The following CSE1L variants were observed in gnomAD, a reference collection of about 807,000 sequenced individuals.
CSE1L encodes the protein exportin-2.
In CSE1L, 24 loss-of-function variants were observed where a neutral mutation model predicts 120.4. That is an observed-to-expected ratio of 0.20 (90% CI 0.14 to 0.28). The LOEUF (loss-of-function observed/expected upper bound fraction) is 0.28, where lower values mean the gene tolerates loss of function less well. Ranked by LOEUF, CSE1L falls within the 10% of genes least tolerant of loss-of-function variation. CSE1L has a pLI of 1.00. For synonymous variants in CSE1L, 402 were observed against 398.3 expected (o/e 1.01, Z -0.11); for missense variants, 830 against 1,145.2 (o/e 0.72, Z 3.97).
intron 10 of CSE1L, among the ~76,000 whole-genome samples, chr20:49,074,176 AGTGTGTGTGTGTGTGTGTGTGTGTGTGT>A (rs71184254): frequency 8.7e-6 from 1 of 115,424 alleles, no homozygotes; most frequent in African/African-American, 3.2e-5. Flanking sequence ...ATACAACTGC[AGTGTGTGTGTGTGTGTGTGTGTGTGTGT>A]GTGTGTGTGT....
In CSE1L at chr20:49,063,308, A is replaced by G. The variant is rs762345348; in HGVS notation, c.192A>G (p.Val64=). The change falls in exon 3 of 25, where the codon GTA becomes GTG. Residue 64 remains valine (V), a synonymous_variant. Coordinates refer to ENST00000262982, the MANE Select transcript of CSE1L (RefSeq NM_001316.4). ...ATGTTATCAAAGTATGTGCTTCAGT[A>G]ACATTCAAAAACTATATTAAAAGGA... ...QDNVIKVCAS[V]TFKNYIKRNW... 1 of 1,530,044 alleles carries G rather than the reference A, an allele frequency of 6.5e-7. No individual in the cohort carries two copies. The highest frequency in any genetic ancestry group is 2.4e-5 in the East Asian group (1 of 42,018). 94.8% of individuals were successfully genotyped at this position (1,530,044 alleles called of 1,614,324 possible).
intron 2 of CSE1L, among the ~76,000 whole-genome samples, chr20:49,060,233 C>T (rs1308230979): frequency 6.6e-6 from 1 of 151,524 alleles, no homozygotes; most frequent in Non-Finnish European, 1.5e-5. Flanking sequence ...CCTGTAATCC[C>T]AGCATTTTGG....
intron 2 of CSE1L, 31 bp from the exon 3 acceptor site, chr20:49,063,171 T>A (rs370198144): frequency 1.4e-6 from 2 of 1,452,860 alleles, no homozygotes; most frequent in East Asian, 2.4e-5. Context: ...GATTTTTATC[T>A]TAGTCTTTTA....
chr20:49,094,721 T>C lies in CSE1L; in HGVS notation c.2595-11T>C. 6.3e-7 allele frequency: 1 copy of C among 1,585,430 alleles called. No homozygotes were observed. Among genetic ancestry groups the C allele is most frequent in the Non-Finnish European group, 8.7e-7 (1 of 1,154,426 alleles). On this transcript the variant is annotated splice_polypyrimidine_tract_variant and intron_variant, in intron 23 of 24. Coordinates refer to ENST00000262982, the MANE Select transcript of CSE1L (RefSeq NM_001316.4). ...CTTGACCTTTTTATCTCTTGCTTTC[T>C]TCCAATCCAGGACTCCATTATTACA...
At chr20:49,050,800 G>T (rs1741929790) in intron 1 of CSE1L, among the ~76,000 whole-genome samples, 1 of 152,016 alleles carries the variant, frequency 6.6e-6, no homozygotes, top group African/African-American at 2.4e-5. Context: ...GGGGTCAAGT[G>T]ATCGTCCCAT....
At chr20:49,052,750 G>A (rs2091777266) in intron 1 of CSE1L, among the ~76,000 whole-genome samples, 1 of 152,140 alleles carries the variant, frequency 6.6e-6, no homozygotes, top group Non-Finnish European at 1.5e-5. Context: ...CACCACACCT[G>A]GCTAATTTTT....
intron 3 of CSE1L, among the ~76,000 whole-genome samples, chr20:49,065,619 G>C (rs1317630976): frequency 1.3e-5 from 1 of 76,858 alleles, no homozygotes; most frequent in Non-Finnish European, 2.4e-5. Flanking sequence ...TTTTGAGACA[G>C]AGTCACTCTT....
chr20:49,047,372 G>C (rs1194634327), intron 1 of CSE1L, among the ~76,000 whole-genome samples: 2 of 151,922 alleles, frequency 1.3e-5, no homozygotes, highest in Non-Finnish European at 2.9e-5. Context: ...TTTCTCCTTA[G>C]CCAGTGTGGC....
At chr20:49,089,128 T>G in intron 17 of CSE1L, 119 bp from the exon 18 acceptor site, 1 of 842,788 alleles carries the variant, frequency 1.2e-6, no homozygotes. Flanking sequence ...TAGGGTATAA[T>G]TGGTGTTTTT....
rs778958993 is a variant in CSE1L at position 49,074,829 on chromosome 20, A to C, written c.1111A>C (p.Arg371=). ...AFEDNSEEYI[R]RDLEGSDIDT... The stretch of plus-strand genomic sequence containing the variant: ...TGAAGATAATTCTGAGGAGTACATA[A>C]GGAGAGATTTGGAAGGATCTGGTGT... Residue 371 remains arginine (R), a synonymous_variant, in exon 11 of 25, where the codon AGG becomes CGG. Transcript: ENST00000262982. The C allele has an allele frequency of 6.2e-7, 1 of 1,612,996 alleles. No homozygotes were observed. Among genetic ancestry groups the C allele is most frequent in the South Asian group, 1.1e-5 (1 of 90,878 alleles).
chr20:49,079,588 C>A (rs765303006), intron 14 of CSE1L, among the ~76,000 whole-genome samples: 1 of 151,946 alleles, frequency 6.6e-6, no homozygotes, highest in Non-Finnish European at 1.5e-5. Context: ...GACTTTCTCA[C>A]ATTTTACTTT....
intron 19 of CSE1L, among the ~76,000 whole-genome samples, chr20:49,090,384 C>G (rs1166298600): frequency 6.6e-6 from 1 of 152,042 alleles, no homozygotes; most frequent in Non-Finnish European, 1.5e-5. Context: ...ATGGCGAAAC[C>G]CCGTCTCTAC....
chr20:49,054,965 T>A (rs1040510815), intron 1 of CSE1L, among the ~76,000 whole-genome samples: 1 of 152,238 alleles, frequency 6.6e-6, no homozygotes, highest in Admixed American at 6.5e-5. Context: ...TGGGAAACTC[T>A]TGGATGGCCA....
Position 49,078,524 on chromosome 20 carries a change from C to T in CSE1L, c.1421-37C>T. The T allele has an allele frequency of 1.4e-6, 2 of 1,418,298 alleles. 1 individual carries two copies. Among genetic ancestry groups the T allele is most frequent in the South Asian group, 2.6e-5 (2 of 78,092 alleles). 87.9% of individuals were successfully genotyped at this position (1,418,298 alleles called of 1,614,324 possible). ...CTAATTTGGAAGTAATGATCCTTACCACTTAAGTAACTGTGGCTTTCTGTT... is the reference window on the plus strand; with the variant it reads ...CTAATTTGGAAGTAATGATCCTTACTACTTAAGTAACTGTGGCTTTCTGTT... On this transcript the variant is annotated intron_variant, in intron 13 of 24. Transcript: ENST00000262982.
rs766788389 is a variant in CSE1L, at chr20:49,072,342, C to T, written c.825C>T (p.Ala275=). The T allele has an allele frequency of 4.3e-6, 7 of 1,614,102 alleles. No homozygotes were observed. Among genetic ancestry groups the T allele is most frequent in the Admixed American group, 3.3e-5 (2 of 60,008 alleles). The change falls in exon 9 of 25, where the codon GCC becomes GCT. Residue 275 remains alanine, a synonymous_variant. Transcript: ENST00000262982. ...ELLKSQICDN[A]ALYAQKYDEE... ...TAAAATCCCAGATTTGTGATAATGC[C>T]GCACTCTATGCACAAAAGTACGATG...
At chr20:49,090,905 A>AT (rs1478931345) in intron 20 of CSE1L, 32 bp from the exon 21 acceptor site, 41 of 1,596,672 alleles carry the variant, frequency 2.6e-5, no homozygotes, top group Non-Finnish European at 3.4e-5. Context: ...AAAGTCCTAA[A>AT]TTTATATTGT....
intron 1 of CSE1L, among the ~76,000 whole-genome samples, chr20:49,049,108 A>G (rs1471856564): frequency 6.6e-6 from 1 of 152,202 alleles, no homozygotes; most frequent in Non-Finnish European, 1.5e-5. Flanking sequence ...ATTTATTGTG[A>G]TGCTTTTTTA....
At chr20:49,058,667 G>T (rs981603137) in intron 2 of CSE1L, 119 bp downstream of exon 2, 17 of 718,236 alleles carry the variant, frequency 2.4e-5, no homozygotes, top group East Asian at 5.4e-5. Flanking sequence ...GTTCTCAAGC[G>T]TAGTTTATAA....
In CSE1L at chr20:49,066,421, C is replaced by A; in HGVS notation, c.387C>A (p.Asp129Glu). 1 of 1,614,190 alleles carries A rather than the reference C, an allele frequency of 6.2e-7. No individual in the cohort carries two copies. Residue 129 changes from aspartate (D) to glutamate (E), a missense_variant, in exon 5 of 25, where the codon GAC becomes GAA. This residue lies in a region of CSE1L where 543 missense variants were observed against 640.2 expected (regional missense o/e 0.85). Coordinates refer to ENST00000262982, the MANE Select transcript of CSE1L (RefSeq NM_001316.4). ...AAGATTTTCCACAGAAATGGCCTGACTTGCTGACAGAAATGGTGAATCGCT... is the reference window on the plus strand; with the variant it reads ...AAGATTTTCCACAGAAATGGCCTGAATTGCTGACAGAAATGGTGAATCGCT... Reference protein sequence around the residue: ...GREDFPQKWPDLLTEMVNRFQ... With the variant: ...GREDFPQKWPELLTEMVNRFQ...
Sources: gnomAD v4.1 joint callset for allele counts (sites outside exome capture counted in the v4.1 genomes callset) on GRCh38, gnomAD v4.1.1 for gene constraint, gnomAD v4.1.1 regional missense constraint, MANE v1.5 for transcripts, NCBI Gene and HGNC (gene_info 2026-07-23, HGNC 2026-07-21) for gene names.